PAPOLG: variants seen among roughly 807,000 people sequenced by gnomAD.
The protein encoded by PAPOLG is poly(A) polymerase gamma, also known as PAP-gamma.
A neutral mutation model predicts 99.0 loss-of-function variants in PAPOLG; 40 were observed. The observed-to-expected ratio is 0.40, with a 90% confidence interval of 0.31 to 0.53. The LOEUF is 0.53. Ranked by LOEUF, PAPOLG falls within the 20% of genes least tolerant of loss-of-function variation. The probability of loss-of-function intolerance (pLI) is 0.41; values close to 1 mark genes in which losing one functional copy is unlikely to be tolerated. For missense variants in PAPOLG, 675 were observed against 884.1 expected (o/e 0.76, Z 3.00); for synonymous variants, 310 against 299.3 (o/e 1.04, Z -0.37).
intron 11 of PAPOLG, 28 bp from the exon 12 acceptor site, chr2:60,782,653 CTTTTT>C (rs747526129): frequency 3.7e-4 from 399 of 1,064,764 alleles, no homozygotes; most frequent in East Asian, 2.2e-3. Flanking sequence ...CATTCTTCTT[CTTTTT>C]TTTTTTTTTT....
chr2:60,782,802 GA>G (rs768440550), intron 12 of PAPOLG, 32 bp downstream of exon 12: 4 of 1,522,348 alleles, frequency 2.6e-6, no homozygotes, highest in East Asian at 4.8e-5. Flanking sequence ...GTATGTATGT[GA>G]TTTTTTTTTT....
chr2:60,787,779 C>T (rs973852867), intron 15 of PAPOLG, among the ~76,000 whole-genome samples, 159 bp downstream of exon 15: 16 of 152,126 alleles, frequency 1.1e-4, no homozygotes, highest in African/African-American at 3.4e-4. Flanking sequence ...GAGCCGGGTG[C>T]GGTGGCTAAT....
intron 10 of PAPOLG, among the ~76,000 whole-genome samples, chr2:60,781,265 G>A (rs548433957): frequency 3.3e-5 from 5 of 152,022 alleles, no homozygotes; most frequent in East Asian, 3.9e-4. Context: ...GCTGAGGCAC[G>A]AGAATCACCT....
chr2:60,788,300 A>G (rs1224414125), intron 15 of PAPOLG, among the ~76,000 whole-genome samples: 2 of 152,076 alleles, frequency 1.3e-5, no homozygotes, highest in African/African-American at 4.8e-5. Flanking sequence ...TAAGTTTTGT[A>G]GCATGTGAAT....
intron 3 of PAPOLG, among the ~76,000 whole-genome samples, chr2:60,767,556 T>G (rs901226976): frequency 5.9e-5 from 9 of 152,128 alleles, no homozygotes; most frequent in African/African-American, 2.2e-4. Flanking sequence ...TGCCTCAGTC[T>G]CCCAAAGTGC....
chr2:60,768,172 G>A (rs1482751734), intron 3 of PAPOLG, among the ~76,000 whole-genome samples: 2 of 151,918 alleles, frequency 1.3e-5, no homozygotes, highest in African/African-American at 4.8e-5. Context: ...GCACAATCTC[G>A]GCCGCTGCAA....
intron 15 of PAPOLG, 163 bp from the exon 16 acceptor site, chr2:60,791,598 T>C: frequency 1.5e-6 from 1 of 678,948 alleles, no homozygotes. Context: ...TGTGATGTGA[T>C]GGAAGTGTAT....
At position 60,793,802 on chromosome 2, in the gene PAPOLG, T is replaced by G. The variant is rs555544916; in HGVS notation, c.1768+87T>G. 1.0e-5 allele frequency: 15 copies of G among 1,500,464 alleles called. No individual in the cohort carries two copies. The East Asian group carries it at 3.7e-4, about 37-fold the overall frequency. The allele number at this position is 1,500,464 out of a possible 1,614,324, so 92.9% of individuals were successfully genotyped here. On this transcript the variant is annotated intron_variant, in intron 18 of 21. Coordinates refer to ENST00000238714, the MANE Select transcript of PAPOLG (RefSeq NM_022894.4). ...GGCACACGCCTGTAGTCCTAGCTAC[T>G]GGGGAGGCTAAGGTGGGAGGGTCAC... is the stretch of plus-strand genomic sequence containing the variant.
chr2:60,758,721 G>C (rs548763547), intron 1 of PAPOLG, among the ~76,000 whole-genome samples: 1 of 152,054 alleles, frequency 6.6e-6, no homozygotes, highest in Non-Finnish European at 1.5e-5. Flanking sequence ...GAGGCACCAC[G>C]CCCGGCCTCT....
chr2:60,799,667 C>A lies in PAPOLG; in HGVS notation c.*2507C>A. The A allele has an allele frequency of 6.8e-6, 1 of 147,260 alleles. No homozygotes were observed. The highest frequency in any genetic ancestry group is 1.5e-5 in the Non-Finnish European group (1 of 66,480). 9.1% of individuals were successfully genotyped at this position (147,260 alleles called of 1,614,324 possible). A position where few individuals can be genotyped will look rare whatever the true frequency, so the allele number is the denominator to read the frequency against. ...GAGACAGAGTTTTGCTCTTGTTGCC[C>A]AGGCTGGAGTGCAGTAGCCCAATCT... On this transcript the variant is annotated 3_prime_UTR_variant, in exon 22 of 22. Transcript: ENST00000238714.
chr2:60,762,807 A>G (rs1176982376), intron 3 of PAPOLG, among the ~76,000 whole-genome samples: 5 of 151,826 alleles, frequency 3.3e-5, no homozygotes, highest in Non-Finnish European at 5.9e-5. Context: ...TTGTATTTTT[A>G]GTAGAGACGT....
In PAPOLG at chr2:60,798,827, T is replaced by G. The variant is rs1671787173; in HGVS notation, c.*1667T>G. The G allele has an allele frequency of 6.6e-6, 1 of 152,376 alleles. No individual in the cohort carries two copies. The highest frequency in any genetic ancestry group is 2.4e-5 in the African/African-American group (1 of 41,470). 9.4% of individuals were successfully genotyped at this position (152,376 alleles called of 1,614,324 possible). Reference sequence around the variant, plus strand: ...CCTTAGGTCTCCAAAATGTAAATTCTAATGTTTACCTTGTACCATGGAAAA... The same window carrying G: ...CCTTAGGTCTCCAAAATGTAAATTCGAATGTTTACCTTGTACCATGGAAAA... On this transcript the variant is annotated 3_prime_UTR_variant, in exon 22 of 22. Coordinates refer to ENST00000238714, the MANE Select transcript of PAPOLG (RefSeq NM_022894.4).
intron 5 of PAPOLG, among the ~76,000 whole-genome samples, chr2:60,770,171 T>C (rs1338305845): frequency 6.6e-6 from 1 of 152,210 alleles, no homozygotes; most frequent in Non-Finnish European, 1.5e-5. Flanking sequence ...GGATAATAAA[T>C]TAGATACTGT....
At chr2:60,764,143 C>T (rs960632234) in intron 3 of PAPOLG, among the ~76,000 whole-genome samples, 27 of 152,090 alleles carry the variant, frequency 1.8e-4, no homozygotes, top group African/African-American at 4.6e-4. Flanking sequence ...ATCACCACTG[C>T]GAAGGTTATT....
chr2:60,774,511 G>A (rs1169069621), intron 7 of PAPOLG, among the ~76,000 whole-genome samples: 1 of 151,898 alleles, frequency 6.6e-6, no homozygotes, highest in Non-Finnish European at 1.5e-5. Flanking sequence ...GAATATAGAT[G>A]CCCACCACCA....
At chr2:60,761,704 G>C in intron 2 of PAPOLG, 37 bp from the exon 3 acceptor site, 1 of 1,540,544 alleles carries the variant, frequency 6.5e-7, no homozygotes, top group Non-Finnish European at 8.9e-7. Flanking sequence ...TTGTTCATTT[G>C]TTTGTTTGTT....
Position 60,782,010 on chromosome 2 carries a change from A to T in PAPOLG, c.1027+5A>T. 1 of 1,613,192 alleles carries T rather than the reference A, an allele frequency of 6.2e-7. No homozygotes were observed. The highest frequency in any genetic ancestry group is 8.5e-7 in the Non-Finnish European group (1 of 1,179,216). On this transcript the variant is annotated splice_donor_5th_base_variant and intron_variant, in intron 11 of 21. Transcript: ENST00000238714. ...TGGTAGAAGAATTTAAACAAGGTAA[A>T]CATGTGGCCCTGTTGCCCTTTACAT...
intron 15 of PAPOLG, among the ~76,000 whole-genome samples, chr2:60,789,367 A>T (rs920113548): frequency 4.2e-5 from 6 of 143,590 alleles, no homozygotes; most frequent in South Asian, 2.4e-4. Context: ...AATAAATAAA[A>T]AATAAAAAAT....
At chr2:60,776,144 C>T (rs1671010098) in intron 8 of PAPOLG, among the ~76,000 whole-genome samples, 1 of 152,196 alleles carries the variant, frequency 6.6e-6, no homozygotes, top group South Asian at 2.1e-4. Flanking sequence ...TATTAGCAGA[C>T]ATGAAAGTAA....
Sources: gnomAD v4.1 joint callset for allele counts (sites outside exome capture counted in the v4.1 genomes callset) on GRCh38, gnomAD v4.1.1 for gene constraint, MANE v1.5 for transcripts, NCBI Gene and HGNC (gene_info 2026-07-23, HGNC 2026-07-21) for gene names.